MTHFD1L: variants seen among roughly 807,000 people sequenced by gnomAD.
MTHFD1L encodes methylenetetrahydrofolate dehydrogenase (NADP+ dependent) 1 like.
A neutral mutation model predicts 119.5 loss-of-function variants in MTHFD1L; 81 were observed. That is an observed-to-expected ratio of 0.68 (90% CI 0.57 to 0.82). The LOEUF (loss-of-function observed/expected upper bound fraction) is 0.82. Ranked by LOEUF, MTHFD1L falls within the 40% of genes least tolerant of loss-of-function variation. The pLI, the probability that MTHFD1L is intolerant of heterozygous loss-of-function variation, is 0.00. For missense variants in MTHFD1L, 1,125 were observed against 1,253.4 expected (o/e 0.90, Z 1.55); for synonymous variants, 430 against 475.2 (o/e 0.90, Z 1.24).
chr6:150,880,668 G>A (rs1390778384), intron 4 of MTHFD1L, among the ~76,000 whole-genome samples: 3 of 152,196 alleles, frequency 2.0e-5, no homozygotes, highest in African/African-American at 7.2e-5. Flanking sequence ...AATTTTGTGA[G>A]AAATCTTCAT....
intron 19 of MTHFD1L, among the ~76,000 whole-genome samples, chr6:150,968,565 A>G (rs996032549): frequency 6.6e-6 from 1 of 152,108 alleles, no homozygotes; most frequent in Non-Finnish European, 1.5e-5. Context: ...CCTGGAGTGC[A>G]ATGGTGGGAT....
chr6:151,084,970 GAAA>G (rs3055594), intron 26 of MTHFD1L, among the ~76,000 whole-genome samples: 39,505 of 119,524 alleles, frequency 0.33, 6,655 homozygotes, highest in East Asian at 0.48. Context: ...CCATCTCAAA[GAAA>G]AAAAAAAAAA....
intron 8 of MTHFD1L, among the ~76,000 whole-genome samples, chr6:150,915,482 T>G (rs569597569): frequency 6.6e-6 from 1 of 152,378 alleles, no homozygotes; most frequent in African/African-American, 2.4e-5. Flanking sequence ...GGACTTATCT[T>G]GTAAACTTGG....
rs574952689 is a variant in MTHFD1L at position 150,964,337 on chromosome 6, G to C, written c.1945-632G>C. On this transcript the variant is annotated intron_variant, in intron 18 of 27. Coordinates refer to ENST00000367321, the MANE Select transcript of MTHFD1L (RefSeq NM_015440.5). ...GAGGACTTAGAAGGAACTCAACCCA[G>C]TACTTCCTAGGATTGGAAGGAAGCT... is the stretch of plus-strand genomic sequence containing the variant. Among the ~76,000 whole-genome samples, 210 of 152,220 alleles carry C rather than the reference G, an allele frequency of 1.4e-3. 2 individuals carry two copies. Among genetic ancestry groups the C allele is most frequent in the African/African-American group, 4.7e-3 (196 of 41,520 alleles).
intron 26 of MTHFD1L, among the ~76,000 whole-genome samples, chr6:151,052,330 T>C (rs1471076321): frequency 6.6e-6 from 1 of 152,172 alleles, no homozygotes; most frequent in Non-Finnish European, 1.5e-5. Context: ...CATTCTTGCG[T>C]GTCTGCTATG....
intron 10 of MTHFD1L, among the ~76,000 whole-genome samples, chr6:150,923,141 A>G (rs1326083733): frequency 1.3e-5 from 2 of 152,128 alleles, no homozygotes; most frequent in African/African-American, 4.8e-5. Context: ...CCACGTGGGA[A>G]CTGAGCTCAG....
chr6:150,999,493 T>C (rs982399583), intron 20 of MTHFD1L, among the ~76,000 whole-genome samples: 5 of 152,182 alleles, frequency 3.3e-5, no homozygotes, highest in Non-Finnish European at 7.3e-5. Context: ...GCTCTGGTCA[T>C]AGTCATGGCA....
At chr6:150,963,795 A>G (rs1007111818) in intron 18 of MTHFD1L, among the ~76,000 whole-genome samples, 1 of 152,192 alleles carries the variant, frequency 6.6e-6, no homozygotes, top group Admixed American at 6.5e-5. Flanking sequence ...TGCTTATGTT[A>G]TAGCCTTCCA....
At chr6:150,905,891 C>CT in intron 8 of MTHFD1L, 130 bp downstream of exon 8, 2 of 705,974 alleles carry the variant, frequency 2.8e-6, no homozygotes, top group South Asian at 3.4e-5. Flanking sequence ...GGGTAGGAAA[C>CT]TTAGACTGTG....
At chr6:151,094,639 G>A (rs1794740929) in intron 27 of MTHFD1L, among the ~76,000 whole-genome samples, 1 of 152,194 alleles carries the variant, frequency 6.6e-6, no homozygotes, top group Non-Finnish European at 1.5e-5. Context: ...TGTCTCCTGG[G>A]TTCAAGCAAT....
At chr6:151,090,765 A>T (rs147710872) in intron 26 of MTHFD1L, among the ~76,000 whole-genome samples, 1 of 151,752 alleles carries the variant, frequency 6.6e-6, no homozygotes, top group South Asian at 2.1e-4. Context: ...TGGAGGTTCT[A>T]CATGATATGG....
At chr6:150,940,247 T>C (rs777531896) in intron 13 of MTHFD1L, among the ~76,000 whole-genome samples, 1 of 152,146 alleles carries the variant, frequency 6.6e-6, no homozygotes, top group Non-Finnish European at 1.5e-5. Flanking sequence ...TTGTTGACTT[T>C]GTTAAAGGAA....
rs998823421 is a variant in MTHFD1L at position 151,039,451 on chromosome 6, C to T, written c.2847+2334C>T. Among the ~76,000 whole-genome samples the T allele has an allele frequency of 6.6e-5, 10 of 152,116 alleles. No individual in the cohort carries two copies. Among genetic ancestry groups the T allele is most frequent in the Admixed American group, 2.0e-4 (3 of 15,280 alleles). The stretch of plus-strand genomic sequence containing the variant: ...TCTTCCAGACTCATAGACCTATTCA[C>T]GTGTGTTGCCCAGGCTGGACTCAAA... On this transcript the variant is annotated intron_variant, in intron 26 of 27. Transcript: ENST00000367321. The surrounding 1 kb of genome is among the most constrained non-coding windows in gnomAD (Gnocchi z 4.4).
intron 26 of MTHFD1L, among the ~76,000 whole-genome samples, chr6:151,038,729 G>T (rs1005397890): frequency 6.6e-6 from 1 of 152,118 alleles, no homozygotes; most frequent in Admixed American, 6.5e-5. Flanking sequence ...ATCAAGGTCC[G>T]CACTTTGGCC....
At chr6:151,060,789 G>T (rs957610769) in intron 26 of MTHFD1L, among the ~76,000 whole-genome samples, 1 of 149,464 alleles carries the variant, frequency 6.7e-6, no homozygotes, top group Non-Finnish European at 1.5e-5. Context: ...GGCCTTGAGC[G>T]TCAAGCTTAG....
intron 13 of MTHFD1L, among the ~76,000 whole-genome samples, chr6:150,941,673 G>A (rs1186192684): frequency 6.6e-6 from 1 of 152,158 alleles, no homozygotes; most frequent in Non-Finnish European, 1.5e-5. Flanking sequence ...GACATCCAGG[G>A]TACTGGCTTG....
rs1797549845 is a variant in MTHFD1L at position 150,968,487 on chromosome 6, A to ATTG, written c.2014-3451_2014-3449dup. On this transcript the variant is annotated intron_variant, in intron 19 of 27. Transcript: ENST00000367321. ...ATTATTAGGGATAATCATTTTCTTT[A>ATTG]TTGTTGTTGTTTGTTTTGTTTTGTT... 2.0e-5 allele frequency among the ~76,000 whole-genome samples: 3 copies of ATTG among 151,960 alleles called. 1 individual carries two copies. The highest frequency in any genetic ancestry group is 4.4e-5 in the Non-Finnish European group (3 of 67,988).
chr6:150,985,280 G>C (rs1778118966), intron 20 of MTHFD1L: 1 of 152,088 alleles, frequency 6.6e-6, no homozygotes, highest in Non-Finnish European at 1.5e-5. Flanking sequence ...TTCTGATAAT[G>C]GGAAACAGTG....
chr6:151,094,683 A>G (rs1794744129), intron 27 of MTHFD1L, among the ~76,000 whole-genome samples: 1 of 152,120 alleles, frequency 6.6e-6, no homozygotes, highest in Non-Finnish European at 1.5e-5. Context: ...AGTTGGGATT[A>G]CAGGCGTCCA....
Sources: gnomAD v4.1 joint callset for allele counts (sites outside exome capture counted in the v4.1 genomes callset) on GRCh38, gnomAD v4.1.1 for gene constraint, Gnocchi (gnomAD v3.1) non-coding constraint, MANE v1.5 for transcripts, NCBI Gene and HGNC (gene_info 2026-07-23, HGNC 2026-07-21) for gene names.